Variants in MTG1 observed in about 807,000 individuals in gnomAD.
The protein encoded by MTG1 is mitochondrial ribosome-associated GTPase 1.
Under a neutral mutation model 39.5 loss-of-function variants are expected in MTG1, and 30 were observed. The ratio of observed to expected loss-of-function variants is 0.76; its 90% confidence interval spans 0.57 to 1.03. The LOEUF is 1.03. Ranked by LOEUF, MTG1 falls within the 50% of genes least tolerant of loss-of-function variation. The probability of loss-of-function intolerance (pLI) is 0.00; values close to 1 mark genes in which losing one functional copy is unlikely to be tolerated. For synonymous variants in MTG1, 217 were observed against 179.0 expected, an observed-to-expected ratio of 1.21 and a Z score of -1.69; for missense variants, 513 against 447.4, an observed-to-expected ratio of 1.15 and a Z score of -1.32.
In MTG1 at chr10:133,421,247, C is replaced by CT. The variant is rs1850228778; in HGVS notation, c.*1082_*1083insT. The CT allele has an allele frequency of 6.5e-6, 1 of 152,788 alleles. No individual in the cohort carries two copies. Among genetic ancestry groups the CT allele is most frequent in the Non-Finnish European group, 1.5e-5 (1 of 68,162 alleles). 9.5% of individuals were successfully genotyped at this position (152,788 alleles called of 1,614,324 possible). A position where few individuals can be genotyped will look rare whatever the true frequency, so the allele number is the denominator to read the frequency against. ...CACCTGCATCGTGCCATAACCCTGACCGCCTGGGGCAGGAAGTATTCAGGT... is the reference window on the plus strand; with the variant it reads ...CACCTGCATCGTGCCATAACCCTGACTCGCCTGGGGCAGGAAGTATTCAGGT... On this transcript the variant is annotated 3_prime_UTR_variant, in exon 11 of 11. Transcript: ENST00000317502.
chr10:133,395,555 C>T (rs1021269019), intron 1 of MTG1, among the ~76,000 whole-genome samples, 158 bp from the exon 2 acceptor site: 1 of 152,222 alleles, frequency 6.6e-6, no homozygotes, highest in African/African-American at 2.4e-5. Flanking sequence ...AGGAGGCGCT[C>T]AGCGGATGTT....
intron 9 of MTG1, among the ~76,000 whole-genome samples, chr10:133,418,515 G>A (rs1036355574): frequency 3.9e-5 from 6 of 151,982 alleles, no homozygotes; most frequent in Admixed American, 2.0e-4. Flanking sequence ...TGGAGCACCA[G>A]GGCACCCTTG....
rs564008196 is a variant in MTG1, at chr10:133,397,639, C to T, written c.283-796C>T. On this transcript the variant is annotated intron_variant, in intron 3 of 10. Coordinates refer to ENST00000317502, the MANE Select transcript of MTG1 (RefSeq NM_138384.4). ...GACTACAGGCGCCCGCCACCATGCCCGGCTAATTTTTTGTATCTTTAGTAG... is the reference window on the plus strand; with the variant it reads ...GACTACAGGCGCCCGCCACCATGCCTGGCTAATTTTTTGTATCTTTAGTAG... 1.1e-4 allele frequency among the ~76,000 whole-genome samples: 17 copies of T among 152,112 alleles called. No individual in the cohort carries two copies. In the South Asian group the frequency reaches 2.5e-3, roughly 22 times the overall value.
At chr10:133,397,422 G>T (rs1284351551) in intron 3 of MTG1, among the ~76,000 whole-genome samples, 3 of 141,722 alleles carry the variant, frequency 2.1e-5, no homozygotes, top group Non-Finnish European at 3.0e-5. Context: ...GCATCTTGGT[G>T]GTAGTGGTCC....
Position 133,420,469 on chromosome 10 carries a change from A to G in MTG1, c.*304A>G, listed in dbSNP as rs41283445. 2,937 of 348,424 alleles carry G rather than the reference A, an allele frequency of 8.4e-3. 16 individuals carry two copies. Among genetic ancestry groups the G allele is most frequent in the Non-Finnish European group, 0.012 (2,365 of 194,316 alleles). The allele number at this position is 348,424 out of a possible 1,614,324, so 21.6% of individuals were successfully genotyped here. On this transcript the variant is annotated 3_prime_UTR_variant, in exon 11 of 11. Coordinates refer to ENST00000317502, the MANE Select transcript of MTG1 (RefSeq NM_138384.4). The stretch of plus-strand genomic sequence containing the variant: ...CTGTCTCAGAAGGAGTTAAAGCTAT[A>G]ACCTGTAACCTTTAAAATCTCCAGT...
intron 9 of MTG1, among the ~76,000 whole-genome samples, chr10:133,403,036 C>T (rs1246966011): frequency 2.0e-5 from 3 of 148,312 alleles, no homozygotes; most frequent in Non-Finnish European, 4.5e-5. Context: ...GCGTTCCCGT[C>T]ACCCCCCATC....
In MTG1 at chr10:133,396,367, G is replaced by A. The variant is rs886647997; in HGVS notation, c.282+100G>A. ...TTGCCGGACGCACACTTGTCAGTTTGCCCAGGCAGGCTCTGCTTTAGAAAC... is the reference window on the plus strand; with the variant it reads ...TTGCCGGACGCACACTTGTCAGTTTACCCAGGCAGGCTCTGCTTTAGAAAC... On this transcript the variant is annotated intron_variant, in intron 3 of 10. Coordinates refer to ENST00000317502, the MANE Select transcript of MTG1 (RefSeq NM_138384.4). 4 of 1,028,338 alleles carry A rather than the reference G, an allele frequency of 3.9e-6. No homozygotes were observed. In the Admixed American group the frequency reaches 5.7e-5, roughly 15 times the overall value. 63.7% of individuals were successfully genotyped at this position (1,028,338 alleles called of 1,614,324 possible).
At chr10:133,401,639 GCGTC>G in intron 7 of MTG1, 49 bp downstream of exon 7, 1 of 1,589,446 alleles carries the variant, frequency 6.3e-7, no homozygotes, top group Non-Finnish European at 8.6e-7. Flanking sequence ...AGCTCTGCAG[GCGTC>G]TGGCACCTGC....
chr10:133,418,118 C>T (rs1379027186), intron 9 of MTG1, among the ~76,000 whole-genome samples: 3 of 152,250 alleles, frequency 2.0e-5, no homozygotes, highest in African/African-American at 7.2e-5. Context: ...ATTCTCCCGC[C>T]TTAGCCTCCC....
At position 133,399,629 on chromosome 10, in the gene MTG1, C is replaced by A. The variant is rs763177874; in HGVS notation, c.511+10C>A. 3.1e-6 allele frequency: 5 copies of A among 1,613,170 alleles called. No individual in the cohort carries two copies. The Admixed American group carries it at 8.3e-5, about 27-fold the overall frequency. On this transcript the variant is annotated intron_variant, in intron 6 of 10. Coordinates refer to ENST00000317502, the MANE Select transcript of MTG1 (RefSeq NM_138384.4). ...CAGCACCTCAGGAAAGGTACTGGCG[C>A]GTGCGGCTGATCACCTCAGGAAAGG...
chr10:133,398,540 CTG>C (rs1849822097), intron 4 of MTG1, 25 bp downstream of exon 4: 2 of 1,600,962 alleles, frequency 1.2e-6, no homozygotes, highest in Non-Finnish European at 1.7e-6. Context: ...TGTGCTCTCT[CTG>C]ACGCTTCTGC....
At chr10:133,415,633 G>C (rs1390799597) in intron 9 of MTG1, among the ~76,000 whole-genome samples, 1 of 152,204 alleles carries the variant, frequency 6.6e-6, no homozygotes. Flanking sequence ...CTGCTTCCAG[G>C]ATTTTCTCTC....
intron 9 of MTG1, among the ~76,000 whole-genome samples, chr10:133,410,709 C>G (rs1243711539): frequency 7.2e-5 from 11 of 152,198 alleles, no homozygotes; most frequent in African/African-American, 2.7e-4. Context: ...GAGTTTGAGG[C>G]TGCAGTGAGC....
chr10:133,415,956 G>GCA (rs1248012410), intron 9 of MTG1, among the ~76,000 whole-genome samples: 1 of 150,648 alleles, frequency 6.6e-6, no homozygotes, highest in Non-Finnish European at 1.5e-5. Flanking sequence ...CAGTTATCAG[G>GCA]CACGCGGGTG....
chr10:133,413,138 TCTCA>T (rs1850070269), intron 9 of MTG1, among the ~76,000 whole-genome samples: 1 of 152,160 alleles, frequency 6.6e-6, no homozygotes, highest in Admixed American at 6.5e-5. Flanking sequence ...TGAGACAGAG[TCTCA>T]CTCTGTTTCT....
chr10:133,400,064 C>A (rs7089253), intron 6 of MTG1, among the ~76,000 whole-genome samples: 1,538 of 152,216 alleles, frequency 0.01, 24 homozygotes, highest in African/African-American at 0.033. Flanking sequence ...TGGTGGCGGG[C>A]ACCTGTAGTC....
At chr10:133,398,565 G>C in intron 4 of MTG1, 50 bp downstream of exon 4, 1 of 1,568,636 alleles carries the variant, frequency 6.4e-7, no homozygotes. Flanking sequence ...CAGTAGGTTC[G>C]AGGAGCATTA....
At chr10:133,416,157 A>G (rs899823833) in intron 9 of MTG1, among the ~76,000 whole-genome samples, 1 of 152,020 alleles carries the variant, frequency 6.6e-6, no homozygotes, top group South Asian at 2.1e-4. Context: ...TTTCTTCTGC[A>G]ATGTATAATC....
At chr10:133,401,361 G>T in intron 6 of MTG1, 168 bp from the exon 7 acceptor site, 1 of 536,746 alleles carries the variant, frequency 1.9e-6, no homozygotes. Flanking sequence ...TTCCATTTTG[G>T]CCAGATATGT....
Sources: allele counts gnomAD v4.1 joint callset (sites outside exome capture counted in the v4.1 genomes callset), GRCh38; gene constraint gnomAD v4.1.1; transcripts MANE v1.5; gene names NCBI Gene and HGNC (gene_info 2026-07-23, HGNC 2026-07-21).